Variants in ATP2B2 observed in about 807,000 individuals in gnomAD.
ATP2B2 encodes the protein ATPase plasma membrane Ca2+ transporting 2, also known as plasma membrane calcium-transporting ATPase 2.
A neutral mutation model predicts 120.0 loss-of-function variants in ATP2B2; 15 were observed. The observed-to-expected ratio is 0.12, with a 90% CI of 0.08 to 0.19. The LOEUF (loss-of-function observed/expected upper bound fraction) is 0.19. ATP2B2 is among the 10% of genes least tolerant of loss of function. ATP2B2 has a pLI of 1.00. For synonymous variants in ATP2B2, 694 were observed against 700.3 expected, an observed-to-expected ratio of 0.99 and a Z score of 0.14; for missense variants, 1,045 against 1,719.8, an observed-to-expected ratio of 0.61 and a Z score of 6.94.
chr3:10,343,031 C>A lies in ATP2B2; in HGVS notation c.2704-66G>T. 6.4e-7 allele frequency: 1 copy of A among 1,552,662 alleles called. No homozygotes were observed. The highest frequency in any genetic ancestry group is 8.9e-7 in the Non-Finnish European group (1 of 1,129,584). ...CTGCTGCTGTGAAGTGCTGGGCGGG[C>A]TCATGGTGTAGTGTCCGCAGGCTCC... is the stretch of plus-strand genomic sequence containing the variant. On this transcript the variant is annotated intron_variant, in intron 18 of 22. Transcript: ENST00000360273. The surrounding 1 kb of genome is among the most constrained non-coding windows in gnomAD (Gnocchi z 4.2).
At chr3:10,438,327 A>G (rs1158667305) in intron 2 of ATP2B2, among the ~76,000 whole-genome samples, 1 of 152,194 alleles carries the variant, frequency 6.6e-6, no homozygotes, top group African/African-American at 2.4e-5. Context: ...TGTTCTTTCC[A>G]GCAGAGCTTT....
At chr3:10,492,349 C>A (rs1039465321) in intron 1 of ATP2B2, among the ~76,000 whole-genome samples, 2 of 152,166 alleles carry the variant, frequency 1.3e-5, no homozygotes, top group African/African-American at 4.8e-5. Context: ...TAAGGCCTGG[C>A]CCCCAAACCC....
intron 2 of ATP2B2, among the ~76,000 whole-genome samples, chr3:10,541,957 G>C (rs1424506984): frequency 6.6e-6 from 1 of 152,062 alleles, no homozygotes; most frequent in Non-Finnish European, 1.5e-5. Flanking sequence ...ATTTAGGATT[G>C]CTATGTCTTC....
chr3:10,401,479 C>T (rs1559288715), intron 4 of ATP2B2, among the ~76,000 whole-genome samples: 1 of 152,200 alleles, frequency 6.6e-6, no homozygotes, highest in Non-Finnish European at 1.5e-5. Flanking sequence ...GCAACCAAGT[C>T]ACATCGTCAA....
In ATP2B2 at chr3:10,536,150, CTTAT is replaced by C. The variant is rs2067309039; in HGVS notation, c.-414-2021_-414-2018del. On this transcript the variant is annotated intron_variant, in intron 2 of 21. Transcript: ENST00000646379. ...ATGATGTTGCACATCTTTTCACGTG[CTTAT>C]TTGTCATCTATATATACTCTTTGTT... 3.3e-5 allele frequency among the ~76,000 whole-genome samples: 5 copies of C among 152,198 alleles called. No homozygotes were observed. The South Asian group carries it at 1.0e-3, about 32-fold the overall frequency.
intron 1 of ATP2B2, among the ~76,000 whole-genome samples, chr3:10,654,216 T>A (rs73037806): frequency 0.038 from 5,777 of 152,232 alleles, 144 homozygotes; most frequent in South Asian, 0.092. Flanking sequence ...ACTTAAACCC[T>A]GGCAGCCTGA....
chr3:10,575,873 A>T (rs4684713), intron 2 of ATP2B2, among the ~76,000 whole-genome samples: 22,960 of 152,088 alleles, frequency 0.15, 2,049 homozygotes, highest in South Asian at 0.28. Flanking sequence ...GGAGAATCTG[A>T]CTTCTGGAAA....
chr3:10,609,855 G>T (rs926097290), intron 2 of ATP2B2, among the ~76,000 whole-genome samples: 1 of 152,008 alleles, frequency 6.6e-6, no homozygotes, highest in Non-Finnish European at 1.5e-5. Context: ...GGGCTGTTTG[G>T]CCTGGCACTG....
chr3:10,610,964 G>T (rs893622361), intron 2 of ATP2B2, among the ~76,000 whole-genome samples: 4 of 152,166 alleles, frequency 2.6e-5, no homozygotes, highest in African/African-American at 9.7e-5. Flanking sequence ...TGCCCGGCTG[G>T]GCTCGCTGAC....
In ATP2B2 at chr3:10,610,502, G is replaced by A. The variant is rs1375106858; in HGVS notation, c.-415+9415C>T. On this transcript the variant is annotated intron_variant, in intron 2 of 21. Transcript: ENST00000646379. ...CCCAGCCCACTCACCCCAAGAATCT[G>A]CAACTAAACCCCTAAACGTATTCAC... is the stretch of plus-strand genomic sequence containing the variant. Among the ~76,000 whole-genome samples, 6 of 152,122 alleles carry A rather than the reference G, an allele frequency of 3.9e-5. No individual in the cohort carries two copies. In the East Asian group the frequency reaches 1.2e-3, roughly 29 times the overall value.
At chr3:10,574,516 C>T (rs900687887) in intron 2 of ATP2B2, among the ~76,000 whole-genome samples, 1 of 152,192 alleles carries the variant, frequency 6.6e-6, no homozygotes. Flanking sequence ...TATTGATTTT[C>T]AGTCCATCTC....
intron 16 of ATP2B2, among the ~76,000 whole-genome samples, chr3:10,349,782 A>T (rs1016162429): frequency 3.3e-5 from 5 of 152,072 alleles, no homozygotes; most frequent in African/African-American, 1.2e-4. Context: ...CAAATCCATC[A>T]TTTAAAAAGG....
chr3:10,497,903 A>T (rs989904778), intron 1 of ATP2B2, among the ~76,000 whole-genome samples: 8 of 152,194 alleles, frequency 5.3e-5, no homozygotes, highest in African/African-American at 1.9e-4. Context: ...TGAGGGACTC[A>T]CCGCAACTGA....
In ATP2B2 at chr3:10,401,239, T is replaced by C. The variant is rs529001329; in HGVS notation, c.656-161A>G. ...CAAGATGGTGCCCATAGAAGGCCCA[T>C]GTACAGCTCAACACTGGAGCTAAGG... is the stretch of plus-strand genomic sequence containing the variant. On this transcript the variant is annotated intron_variant, in intron 4 of 22. Coordinates refer to ENST00000360273, the MANE Select transcript of ATP2B2 (RefSeq NM_001001331.4). 3.9e-5 allele frequency among the ~76,000 whole-genome samples: 6 copies of C among 152,302 alleles called. No individual in the cohort carries two copies. In the East Asian group the frequency reaches 9.6e-4, roughly 24 times the overall value.
chr3:10,460,102 G>C (rs974296782), intron 1 of ATP2B2, among the ~76,000 whole-genome samples: 1 of 152,234 alleles, frequency 6.6e-6, no homozygotes, highest in African/African-American at 2.4e-5. Flanking sequence ...GGGGCCTAGG[G>C]AGCTGTCTCT....
rs3964438 is a variant in ATP2B2, at chr3:10,386,373, A to G, written c.940+107T>C. On this transcript the variant is annotated intron_variant, in intron 7 of 22. Transcript: ENST00000360273. ...CTGGGGGGTGGAGCCACCCACAGGC[A>G]TGTGGCCTCCTCCAGCTGTGTGCTG... The G allele has an allele frequency of 1.5e-3, 1,897 of 1,290,792 alleles. 29 individuals carry two copies. In the African/African-American group the frequency reaches 0.025, roughly 17 times the overall value. The allele number at this position is 1,290,792 out of a possible 1,614,324, so 80.0% of individuals were successfully genotyped here. A position where few individuals can be genotyped will look rare whatever the true frequency, so the allele number is the denominator to read the frequency against.
At chr3:10,654,054 T>G (rs2070540966) in intron 1 of ATP2B2, among the ~76,000 whole-genome samples, 1 of 152,126 alleles carries the variant, frequency 6.6e-6, no homozygotes, top group African/African-American at 2.4e-5. Context: ...TGGAAATGAG[T>G]TAGGCATTCT....
intron 1 of ATP2B2, among the ~76,000 whole-genome samples, chr3:10,644,252 G>A (rs1378768741): frequency 3.3e-5 from 5 of 152,164 alleles, no homozygotes; most frequent in Admixed American, 3.3e-4. Flanking sequence ...GCTGTAATAA[G>A]TTAAGGAGAA....
At chr3:10,553,040 C>T (rs1036560961) in intron 2 of ATP2B2, among the ~76,000 whole-genome samples, 5 of 152,318 alleles carry the variant, frequency 3.3e-5, no homozygotes, top group Admixed American at 2.0e-4. Context: ...TCCAGTTCCC[C>T]ATCTGTGCAA....
Sources: gnomAD v4.1 joint callset for allele counts (sites outside exome capture counted in the v4.1 genomes callset) on GRCh38, gnomAD v4.1.1 for gene constraint, Gnocchi (gnomAD v3.1) non-coding constraint, MANE v1.5 for transcripts, NCBI Gene and HGNC (gene_info 2026-07-23, HGNC 2026-07-21) for gene names.